Variants in CNTNAP2 observed in about 807,000 individuals in gnomAD.
CNTNAP2 encodes contactin-associated protein-like 2.
CNTNAP2 carries 98 observed loss-of-function variants against 155.2 expected under a neutral mutation model. The ratio of observed to expected loss-of-function variants is 0.63; its 90% CI spans 0.54 to 0.75. CNTNAP2 has a LOEUF of 0.75. Among genes scored for constraint, CNTNAP2 ranks in the 30% least tolerant of loss-of-function variants. The probability of loss-of-function intolerance (pLI) is 0.00; values close to 1 mark genes in which losing one functional copy is unlikely to be tolerated. For missense variants in CNTNAP2, 1,727 were observed against 1,688.1 expected (o/e 1.02, Z -0.40); for synonymous variants, 651 against 631.2 (o/e 1.03, Z -0.47).
At chr7:146,636,605 C>T (rs1799604450) in intron 1 of CNTNAP2, among the ~76,000 whole-genome samples, 1 of 152,202 alleles carries the variant, frequency 6.6e-6, no homozygotes, top group South Asian at 2.1e-4. Flanking sequence ...ATTACCTTCT[C>T]ATAATTGTCC....
chr7:148,017,801 C>T (rs6960266), intron 15 of CNTNAP2, among the ~76,000 whole-genome samples: 42,430 of 152,098 alleles, frequency 0.28, 7,766 homozygotes, highest in East Asian at 0.74. Context: ...TAAATAATAG[C>T]CTTTTTAACC....
chr7:146,323,699 G>A (rs376556607), intron 1 of CNTNAP2, among the ~76,000 whole-genome samples: 1 of 152,024 alleles, frequency 6.6e-6, no homozygotes, highest in Admixed American at 6.6e-5. Flanking sequence ...TATAGGACAA[G>A]CATATTTCCA....
chr7:147,732,976 G>A (rs12533635), intron 13 of CNTNAP2, among the ~76,000 whole-genome samples: 1 of 151,980 alleles, frequency 6.6e-6, no homozygotes, highest in Non-Finnish European at 1.5e-5. Context: ...TTCTCCCATT[G>A]TGTAGGTTGC....
intron 21 of CNTNAP2, among the ~76,000 whole-genome samples, chr7:148,348,759 G>A (rs1017871434): frequency 2.0e-5 from 3 of 152,190 alleles, no homozygotes; most frequent in Admixed American, 6.5e-5. Flanking sequence ...ACAAGACAGC[G>A]AGTGATTTCA....
chr7:146,367,574 G>A (rs997978897), intron 1 of CNTNAP2, among the ~76,000 whole-genome samples: 3 of 152,028 alleles, frequency 2.0e-5, no homozygotes, highest in East Asian at 1.9e-4. Context: ...CCTCATCTCT[G>A]TATAGACTTA....
intron 21 of CNTNAP2, among the ~76,000 whole-genome samples, chr7:148,267,994 G>A (rs543614641): frequency 1.3e-5 from 2 of 152,290 alleles, no homozygotes; most frequent in East Asian, 1.9e-4. Flanking sequence ...CCCCATGTGC[G>A]ACTGTGAATT....
chr7:146,792,824 G>A (rs1054886835), intron 2 of CNTNAP2, among the ~76,000 whole-genome samples: 11 of 152,194 alleles, frequency 7.2e-5, no homozygotes, highest in African/African-American at 1.2e-4. Flanking sequence ...TGTCTTACTC[G>A]ATGAAAATAA....
At chr7:146,848,300 T>C (rs372172785) in intron 3 of CNTNAP2, among the ~76,000 whole-genome samples, 5 of 152,180 alleles carry the variant, frequency 3.3e-5, no homozygotes, top group African/African-American at 1.2e-4. Context: ...AAGGTAGAAT[T>C]AGAATAACTG....
Position 147,339,020 on chromosome 7 carries a change from T to C in CNTNAP2, c.1498+38730T>C, listed in dbSNP as rs913549739. 5.3e-5 allele frequency among the ~76,000 whole-genome samples: 8 copies of C among 152,278 alleles called. No homozygotes were observed. The South Asian group carries it at 1.4e-3, about 28-fold the overall frequency. ...TTAAATATATTTATTCAAATGTATT[T>C]TAAATGCTGCCTTACAAGAAATACA... On this transcript the variant is annotated intron_variant, in intron 9 of 23. Transcript: ENST00000361727.
chr7:146,623,756 A>G (rs1799372926), intron 1 of CNTNAP2, among the ~76,000 whole-genome samples: 1 of 152,144 alleles, frequency 6.6e-6, no homozygotes, highest in African/African-American at 2.4e-5. Context: ...AGTTGAGTAA[A>G]TACCTAGCAT....
intron 11 of CNTNAP2, among the ~76,000 whole-genome samples, chr7:147,510,499 T>C (rs772662587): frequency 6.6e-6 from 1 of 152,064 alleles, no homozygotes; most frequent in South Asian, 2.1e-4. Flanking sequence ...GTAGAGCTTA[T>C]GTTCTGAATC....
At chr7:146,315,211 G>T (rs1800887504) in intron 1 of CNTNAP2, among the ~76,000 whole-genome samples, 1 of 152,212 alleles carries the variant, frequency 6.6e-6, no homozygotes, top group African/African-American at 2.4e-5. Context: ...GGCTACCGCT[G>T]CTGAGAGTGC....
intron 8 of CNTNAP2, among the ~76,000 whole-genome samples, chr7:147,208,880 C>A (rs1803077624): frequency 6.6e-6 from 1 of 151,894 alleles, no homozygotes; most frequent in Non-Finnish European, 1.5e-5. Context: ...AAACTTTAAT[C>A]TGTGAAACCC....
intron 8 of CNTNAP2, among the ~76,000 whole-genome samples, chr7:147,134,057 T>C (rs1439329233): frequency 6.6e-6 from 1 of 152,064 alleles, no homozygotes; most frequent in Non-Finnish European, 1.5e-5. Flanking sequence ...TATATTGTTA[T>C]GATTAATGAT....
chr7:146,814,770 A>C (rs1803132154), intron 2 of CNTNAP2, among the ~76,000 whole-genome samples: 1 of 152,162 alleles, frequency 6.6e-6, no homozygotes, highest in African/African-American at 2.4e-5. Flanking sequence ...CCCCAAAGAA[A>C]TACAAATACA....
intron 13 of CNTNAP2, among the ~76,000 whole-genome samples, chr7:147,767,775 A>G (rs1797405190): frequency 6.6e-6 from 1 of 152,118 alleles, no homozygotes; most frequent in Non-Finnish European, 1.5e-5. Context: ...TGTACTTTTC[A>G]GAGAAACAAA....
In CNTNAP2 at chr7:146,433,743, T is replaced by C. The variant is rs1401522749; in HGVS notation, c.97+316770T>C. 2.0e-5 allele frequency among the ~76,000 whole-genome samples: 3 copies of C among 152,190 alleles called. No homozygotes were observed. The East Asian group carries it at 5.8e-4, about 29-fold the overall frequency. ...TGTCGTACAGACAACTGTGAAAACA[T>C]GGAGAGCAGAGTCTTGTGTCTTAAG... On this transcript the variant is annotated intron_variant, in intron 1 of 23. Transcript: ENST00000361727.
In CNTNAP2 at chr7:146,714,063, C is replaced by G. The variant is rs146239337; in HGVS notation, c.98-60208C>G. ...TTATTATTCTTTTATATGATTACTG[C>G]TCTCTCCTGGAGTGCACTTCTCTGC... is the stretch of plus-strand genomic sequence containing the variant. On this transcript the variant is annotated intron_variant, in intron 1 of 23. Transcript: ENST00000361727. Among the ~76,000 whole-genome samples the G allele has an allele frequency of 1.0e-3, 154 of 152,190 alleles. 1 individual carries two copies. The highest frequency in any genetic ancestry group is 9.3e-3 in the East Asian group (48 of 5,176).
At chr7:147,790,568 T>A (rs1797804294) in intron 13 of CNTNAP2, among the ~76,000 whole-genome samples, 2 of 152,234 alleles carry the variant, frequency 1.3e-5, no homozygotes, top group Non-Finnish European at 2.9e-5. Flanking sequence ...ATCATATTAT[T>A]TCCATGTTGT....
Sources: gnomAD v4.1 joint callset for allele counts (sites outside exome capture counted in the v4.1 genomes callset) on GRCh38, gnomAD v4.1.1 for gene constraint, MANE v1.5 for transcripts, NCBI Gene and HGNC (gene_info 2026-07-23, HGNC 2026-07-21) for gene names.